CFAP210: variants seen among roughly 807,000 people sequenced by gnomAD.
CFAP210 encodes the protein cilia and flagella associated protein 210.
chr2:169,681,051 A>G, the CFAP210 span: 3 of 1,613,858 alleles, frequency 1.9e-6, no homozygotes, highest in East Asian at 2.2e-5. Flanking sequence ...TGAGATCGCA[A>G]ATGCATTTCT....
chr2:169,665,689 G>A, the CFAP210 span, among the ~76,000 whole-genome samples: 71 of 152,300 alleles, frequency 4.7e-4, no homozygotes, highest in East Asian at 0.013. Context: ...AGGTTTTATA[G>A]GATAGTGTTT....
chr2:169,677,204 C>T, the CFAP210 span, among the ~76,000 whole-genome samples: 1 of 152,142 alleles, frequency 6.6e-6, no homozygotes, highest in Non-Finnish European at 1.5e-5. Flanking sequence ...TGGCTTTCTG[C>T]GCAACCCTGC....
chr2:169,681,856 CA>C, the CFAP210 span, among the ~76,000 whole-genome samples: 1 of 152,124 alleles, frequency 6.6e-6, no homozygotes, highest in African/African-American at 2.4e-5. Flanking sequence ...AAAAGACTCT[CA>C]AGCTAAGTTT....
chr2:169,665,280 C>A, the CFAP210 span, among the ~76,000 whole-genome samples: 1 of 144,518 alleles, frequency 6.9e-6, no homozygotes, highest in Non-Finnish European at 1.5e-5. Context: ...AGGTTTCATT[C>A]TTTCATTTTT....
chr2:169,650,642 T>C, the CFAP210 span: 40 of 1,193,416 alleles, frequency 3.4e-5, no homozygotes, highest in Admixed American at 3.0e-4. Context: ...AGGAGCCCCA[T>C]TGCTCCTTAC....
At chr2:169,648,797 C>G in the CFAP210 span, among the ~76,000 whole-genome samples, 1 of 152,036 alleles carries the variant, frequency 6.6e-6, no homozygotes, top group Non-Finnish European at 1.5e-5. Context: ...ATGCTAGGTC[C>G]TCTACACATC....
the CFAP210 span, among the ~76,000 whole-genome samples, chr2:169,657,920 T>G: frequency 6.6e-6 from 1 of 152,220 alleles, no homozygotes; most frequent in Middle Eastern, 3.4e-3. Context: ...CTTTAAAAGA[T>G]AAGCTTTTCA....
At chr2:169,674,685 AT>A in the CFAP210 span, 1 of 1,610,404 alleles carries the variant, frequency 6.2e-7, no homozygotes. Flanking sequence ...TGTTCCTCCC[AT>A]TTTTTATCTG....
the CFAP210 span, among the ~76,000 whole-genome samples, chr2:169,685,862 G>T: frequency 6.6e-6 from 1 of 152,074 alleles, no homozygotes; most frequent in African/African-American, 2.4e-5. Context: ...AGCACCATTT[G>T]TTAAAAATTC....
chr2:169,669,599 A>G, the CFAP210 span, among the ~76,000 whole-genome samples: 1 of 152,280 alleles, frequency 6.6e-6, no homozygotes, highest in East Asian at 1.9e-4. Context: ...ATCAACATGA[A>G]TTGCTGAGAG....
chr2:169,665,897 T>C, the CFAP210 span, among the ~76,000 whole-genome samples: 3 of 152,050 alleles, frequency 2.0e-5, no homozygotes, highest in Non-Finnish European at 4.4e-5. Flanking sequence ...TGACTCCTTT[T>C]CCCTAATTAG....
At chr2:169,650,495 A>T in the CFAP210 span, 1 of 1,576,630 alleles carries the variant, frequency 6.3e-7, no homozygotes, top group South Asian at 1.2e-5. Context: ...GAAGTTATGT[A>T]TTCTTTCTCT....
chr2:169,667,582 C>T, the CFAP210 span, among the ~76,000 whole-genome samples: 2 of 152,108 alleles, frequency 1.3e-5, no homozygotes, highest in Non-Finnish European at 2.9e-5. Flanking sequence ...ACTTGAAAGT[C>T]TAAATTACTC....
At chr2:169,652,067 T>C in the CFAP210 span, among the ~76,000 whole-genome samples, 1 of 152,178 alleles carries the variant, frequency 6.6e-6, no homozygotes, top group Non-Finnish European at 1.5e-5. Context: ...AGAATACATC[T>C]TGTTAAATTA....
At chr2:169,654,892 A>T in the CFAP210 span, among the ~76,000 whole-genome samples, 1 of 152,106 alleles carries the variant, frequency 6.6e-6, no homozygotes, top group Non-Finnish European at 1.5e-5. Context: ...CACTCCATCC[A>T]CTATGTCTCT....
chr2:169,680,891 C>T, the CFAP210 span: 129 of 760,438 alleles, frequency 1.7e-4, no homozygotes, highest in Admixed American at 1.2e-3. Flanking sequence ...AAATATGTTT[C>T]GATGCATTTT....
the CFAP210 span, among the ~76,000 whole-genome samples, chr2:169,652,978 C>A: frequency 3.2e-5 from 3 of 95,116 alleles, no homozygotes; most frequent in African/African-American, 1.2e-4. Context: ...CCAGCCTGGG[C>A]GACAGAGCAA....
the CFAP210 span, chr2:169,654,016 AATC>A: frequency 2.1e-6 from 3 of 1,461,784 alleles, no homozygotes; most frequent in South Asian, 1.4e-5. Context: ...CTGTCATAAT[AATC>A]ATAAAATCAT....
the CFAP210 span, among the ~76,000 whole-genome samples, chr2:169,671,395 T>A: frequency 4.6e-5 from 7 of 152,194 alleles, no homozygotes; most frequent in African/African-American, 1.7e-4. Flanking sequence ...CCACACACCC[T>A]CTACACATAT....
Sources: allele counts gnomAD v4.1 joint callset (sites outside exome capture counted in the v4.1 genomes callset), GRCh38; gene constraint gnomAD v4.1.1; transcripts MANE v1.5; gene names NCBI Gene and HGNC (gene_info 2026-07-23, HGNC 2026-07-21).